IMMP2L: variants seen among roughly 807,000 people sequenced by gnomAD.
IMMP2L encodes the protein mitochondrial inner membrane protease subunit 2.
In IMMP2L, 18 loss-of-function variants were observed where a neutral mutation model predicts 19.3. The ratio of observed to expected loss-of-function variants is 0.93; its 90% CI spans 0.64 to 1.38. The LOEUF is 1.38. Among genes scored for constraint, IMMP2L ranks in the 40% most tolerant of loss-of-function variants. The pLI is 0.00. For missense variants in IMMP2L, 233 were observed against 218.2 expected (o/e 1.07, Z -0.43); for synonymous variants, 76 against 73.0 (o/e 1.04, Z -0.21).
chr7:111,447,917 G>A (rs1011727740), intron 3 of IMMP2L, among the ~76,000 whole-genome samples: 5 of 147,060 alleles, frequency 3.4e-5, no homozygotes, highest in Non-Finnish European at 6.0e-5. Flanking sequence ...CCTAGTCTCT[G>A]ATAAAACAGA....
At chr7:111,467,301 G>T (rs956229478) in intron 3 of IMMP2L, among the ~76,000 whole-genome samples, 1 of 152,088 alleles carries the variant, frequency 6.6e-6, no homozygotes, top group Admixed American at 6.5e-5. Flanking sequence ...AAAGTATTTA[G>T]AACAATTCCT....
chr7:110,801,780 C>T (rs1801261391), intron 5 of IMMP2L, among the ~76,000 whole-genome samples: 1 of 152,052 alleles, frequency 6.6e-6, no homozygotes, highest in Non-Finnish European at 1.5e-5. Context: ...ATTCCCACTG[C>T]TGGCACAACA....
chr7:111,028,930 C>A (rs888122739), intron 3 of IMMP2L, among the ~76,000 whole-genome samples: 1 of 152,102 alleles, frequency 6.6e-6, no homozygotes, highest in Non-Finnish European at 1.5e-5. Context: ...CTGAACCTCC[C>A]TTTTAAGAAA....
At chr7:110,676,801 G>A (rs866413336) in intron 5 of IMMP2L, among the ~76,000 whole-genome samples, 8 of 152,272 alleles carry the variant, frequency 5.3e-5, no homozygotes, top group Middle Eastern at 3.4e-3. Flanking sequence ...GAATTCCCTA[G>A]TACACTTCCT....
At chr7:111,438,618 A>C (rs1837423682) in intron 3 of IMMP2L, among the ~76,000 whole-genome samples, 2 of 151,946 alleles carry the variant, frequency 1.3e-5, no homozygotes, top group Non-Finnish European at 2.9e-5. Context: ...AAGAAATGAT[A>C]ATGAAATATA....
intron 4 of IMMP2L, among the ~76,000 whole-genome samples, chr7:110,961,432 G>GT (rs59745560): frequency 1.8e-3 from 253 of 141,118 alleles, no homozygotes; most frequent in East Asian, 5.8e-3. Flanking sequence ...AAAAGTCTGT[G>GT]TTTTTTTTTT....
At chr7:110,713,370 T>G (rs979622528) in intron 5 of IMMP2L, among the ~76,000 whole-genome samples, 1 of 152,220 alleles carries the variant, frequency 6.6e-6, no homozygotes, top group African/African-American at 2.4e-5. Context: ...TTCTTACAGC[T>G]TGGGATTGTT....
At chr7:111,549,514 A>C (rs894024690) in intron 1 of IMMP2L, among the ~76,000 whole-genome samples, 3 of 152,190 alleles carry the variant, frequency 2.0e-5, no homozygotes, top group African/African-American at 7.2e-5. Flanking sequence ...CTTTTAATAT[A>C]GAAGTTTTAA....
chr7:111,380,571 C>T (rs1036190622), intron 3 of IMMP2L, among the ~76,000 whole-genome samples: 1 of 151,990 alleles, frequency 6.6e-6, no homozygotes, highest in African/African-American at 2.4e-5. Flanking sequence ...AATATTTTTA[C>T]TAACAGCTAT....
chr7:111,010,204 T>G, intron 3 of IMMP2L, among the ~76,000 whole-genome samples: 1 of 152,278 alleles, frequency 6.6e-6, no homozygotes, highest in Non-Finnish European at 1.5e-5. Context: ...TTCTTAGTTA[T>G]ATCTCATTTC....
At chr7:111,046,844 C>T (rs757998591) in intron 3 of IMMP2L, among the ~76,000 whole-genome samples, 11 of 152,132 alleles carry the variant, frequency 7.2e-5, no homozygotes, top group African/African-American at 1.4e-4. Flanking sequence ...CTTTCATTCA[C>T]GGAGCAATGA....
intron 5 of IMMP2L, among the ~76,000 whole-genome samples, chr7:110,703,907 G>A (rs960311927): frequency 1.3e-5 from 2 of 151,280 alleles, no homozygotes; most frequent in Non-Finnish European, 2.9e-5. Flanking sequence ...GTGCAGTGGT[G>A]TGATCTGGGC....
intron 3 of IMMP2L, among the ~76,000 whole-genome samples, chr7:111,394,203 GATAAA>G (rs771474635): frequency 5.8e-4 from 88 of 152,080 alleles, no homozygotes; most frequent in Middle Eastern, 3.4e-3. Flanking sequence ...ATAAGACAAA[GATAAA>G]ATAAATGACA....
At chr7:110,930,368 T>C (rs1196758068) in intron 4 of IMMP2L, among the ~76,000 whole-genome samples, 1 of 152,086 alleles carries the variant, frequency 6.6e-6, no homozygotes, top group Non-Finnish European at 1.5e-5. Context: ...GACAGCCTTG[T>C]ACCTGTAAAC....
chr7:111,050,231 T>G (rs1051320572), intron 3 of IMMP2L, among the ~76,000 whole-genome samples: 1 of 152,234 alleles, frequency 6.6e-6, no homozygotes, highest in Non-Finnish European at 1.5e-5. Flanking sequence ...TAGAAATTGA[T>G]GTCCACTGGG....
chr7:111,065,193 ATCT>A (rs1317187490), intron 3 of IMMP2L, among the ~76,000 whole-genome samples: 1 of 152,202 alleles, frequency 6.6e-6, no homozygotes, highest in African/African-American at 2.4e-5. Context: ...ATAAGAAAAT[ATCT>A]TCATTTTATT....
chr7:111,133,124 C>T (rs1018995944), intron 3 of IMMP2L, among the ~76,000 whole-genome samples: 2 of 151,950 alleles, frequency 1.3e-5, no homozygotes, highest in African/African-American at 4.8e-5. Flanking sequence ...TATTCACACA[C>T]CATTTATTGA....
chr7:111,265,333 T>C (rs1817715054), intron 3 of IMMP2L, among the ~76,000 whole-genome samples: 1 of 152,186 alleles, frequency 6.6e-6, no homozygotes, highest in Non-Finnish European at 1.5e-5. Context: ...TCATGAGCAG[T>C]ATATTGAACC....
intron 3 of IMMP2L, among the ~76,000 whole-genome samples, chr7:111,287,182 A>G (rs1323340361): frequency 6.6e-6 from 1 of 152,200 alleles, no homozygotes; most frequent in East Asian, 1.9e-4. Context: ...TAATAAATTA[A>G]TGATACCAGC....
Sources: gnomAD v4.1 joint callset for allele counts (sites outside exome capture counted in the v4.1 genomes callset) on GRCh38, gnomAD v4.1.1 for gene constraint, MANE v1.5 for transcripts, NCBI Gene and HGNC (gene_info 2026-07-23, HGNC 2026-07-21) for gene names.